C3orf20: variants seen among roughly 807,000 people sequenced by gnomAD.
The protein encoded by C3orf20 is family with sequence similarity 149 member C, also known as uncharacterized protein C3orf20.
C3orf20 carries 76 observed loss-of-function variants against 88.3 expected under a neutral mutation model. That is an observed-to-expected ratio of 0.86 (90% CI 0.72 to 1.04). The LOEUF is 1.04. C3orf20 is among the 50% of genes least tolerant of loss of function. C3orf20 has a pLI of 0.00. For missense variants in C3orf20, 1,056 were observed against 1,123.3 expected (o/e 0.94, Z 0.86); for synonymous variants, 436 against 437.4 (o/e 1.00, Z 0.04).
intron 5 of C3orf20, among the ~76,000 whole-genome samples, chr3:14,692,889 A>G (rs993806632): frequency 6.6e-6 from 1 of 152,150 alleles, no homozygotes; most frequent in Non-Finnish European, 1.5e-5. Flanking sequence ...TCTTCAATCC[A>G]TTTTGATTTT....
chr3:14,754,926 T>C (rs1037074410), intron 12 of C3orf20, among the ~76,000 whole-genome samples: 1 of 152,130 alleles, frequency 6.6e-6, no homozygotes, highest in East Asian at 1.9e-4. Context: ...TGTCTTGCTA[T>C]GTTGTCCAGC....
chr3:14,719,814 CTT>C (rs2034082604), intron 9 of C3orf20, among the ~76,000 whole-genome samples: 1 of 152,122 alleles, frequency 6.6e-6, no homozygotes, highest in Non-Finnish European at 1.5e-5. Context: ...AAACTTTTTA[CTT>C]TTACCTTACT....
intron 12 of C3orf20, among the ~76,000 whole-genome samples, chr3:14,749,100 A>G (rs894651057): frequency 6.6e-6 from 1 of 152,122 alleles, no homozygotes; most frequent in African/African-American, 2.4e-5. Context: ...CAATTCTGTC[A>G]GGTTTTGCTT....
intron 13 of C3orf20, 38 bp from the exon 14 acceptor site, chr3:14,759,853 C>A: frequency 6.5e-7 from 1 of 1,537,654 alleles, no homozygotes; most frequent in Non-Finnish European, 9.0e-7. Flanking sequence ...ATCTTATTGG[C>A]ATGGGGGTGA....
intron 10 of C3orf20, among the ~76,000 whole-genome samples, chr3:14,723,036 C>T (rs1249063980): frequency 6.6e-6 from 1 of 152,254 alleles, no homozygotes; most frequent in African/African-American, 2.4e-5. Context: ...AGCAGGGTGA[C>T]CACACTTCCC....
intron 13 of C3orf20, among the ~76,000 whole-genome samples, chr3:14,759,181 C>G (rs145483811): frequency 1.2e-4 from 19 of 152,120 alleles, no homozygotes; most frequent in Non-Finnish European, 2.5e-4. Context: ...TTGGTGAATG[C>G]AGAAATGTTC....
chr3:14,764,833 C>T (rs2035659345), intron 15 of C3orf20: 1 of 152,250 alleles, frequency 6.6e-6, no homozygotes, highest in African/African-American at 2.4e-5. Flanking sequence ...CCTCATAAGT[C>T]ATGCAGCATT....
At chr3:14,685,460 T>TTCTCTCTCTC (rs60024348) in intron 4 of C3orf20, among the ~76,000 whole-genome samples, 2 of 139,014 alleles carry the variant, frequency 1.4e-5, no homozygotes, top group Non-Finnish European at 3.1e-5. Flanking sequence ...CTCTCTCTGT[T>TTCTCTCTCTC]TCTCTCTCTC....
intron 15 of C3orf20, among the ~76,000 whole-genome samples, chr3:14,771,610 T>C (rs1433225012): frequency 6.6e-5 from 10 of 152,252 alleles, no homozygotes; most frequent in Admixed American, 6.5e-4. Flanking sequence ...TCCTCCAGTA[T>C]GGCCTCATCT....
chr3:14,688,529 C>CAAAAAAAAAAAAAAAA (rs35979290), intron 4 of C3orf20, among the ~76,000 whole-genome samples: 3 of 105,780 alleles, frequency 2.8e-5, no homozygotes, highest in Non-Finnish European at 5.4e-5. Context: ...GAGACTGTCT[C>CAAAAAAAAAAAAAAAA]AAAAAAAAAA....
intron 12 of C3orf20, among the ~76,000 whole-genome samples, chr3:14,734,560 A>G (rs1006719782): frequency 1.3e-5 from 2 of 152,198 alleles, no homozygotes; most frequent in African/African-American, 4.8e-5. Context: ...AAAAAACTGC[A>G]TAATTTCAAC....
At chr3:14,724,504 G>C in intron 10 of C3orf20, among the ~76,000 whole-genome samples, 1 of 152,184 alleles carries the variant, frequency 6.6e-6, no homozygotes, top group East Asian at 1.9e-4. Context: ...GAAGTCTAGA[G>C]CTGTGCTGTC....
intron 15 of C3orf20, among the ~76,000 whole-genome samples, chr3:14,766,307 A>G (rs1442307791): frequency 2.0e-5 from 3 of 152,208 alleles, no homozygotes; most frequent in African/African-American, 4.8e-5. Context: ...CACCAGCACA[A>G]TAGGGACCGG....
At chr3:14,712,991 C>G (rs1283444631) in intron 7 of C3orf20, among the ~76,000 whole-genome samples, 1 of 152,016 alleles carries the variant, frequency 6.6e-6, no homozygotes, top group Non-Finnish European at 1.5e-5. Flanking sequence ...CCTTCTTAAC[C>G]CCATGGTTTC....
intron 11 of C3orf20, 27 bp from the exon 12 acceptor site, chr3:14,728,412 A>C: frequency 6.2e-7 from 1 of 1,612,274 alleles, no homozygotes; most frequent in Non-Finnish European, 8.5e-7. Flanking sequence ...ATGAAGGGAA[A>C]ATGACAGCAG....
In C3orf20 at chr3:14,757,547, A is replaced by C. The variant is rs1474815138; in HGVS notation, c.2117A>C (p.Asp706Ala). The C allele has an allele frequency of 3.1e-6, 5 of 1,613,922 alleles. No individual in the cohort carries two copies. The African/African-American group carries it at 5.3e-5, about 17-fold the overall frequency. Reference protein sequence around the residue: ...ELERFLLAPRDPSQVLVFGII... With the variant: ...ELERFLLAPRAPSQVLVFGII... ...GAGCGCTTCCTGTTGGCGCCCCGAG[A>C]CCCCAGCCAAGTGCTGGTGTTTGGG... The change falls in exon 13 of 17, where the codon GAC (aspartate) becomes GCC (alanine). Residue 706 changes from aspartate to alanine, a missense_variant. Transcript: ENST00000253697.
intron 12 of C3orf20, among the ~76,000 whole-genome samples, chr3:14,751,682 CAAG>C (rs954034497): frequency 2.2e-4 from 34 of 152,140 alleles, no homozygotes; most frequent in African/African-American, 8.2e-4. Flanking sequence ...TCCTATACAC[CAAG>C]AACAGACAAA....
At chr3:14,705,508 C>G (rs1320012421) in intron 7 of C3orf20, among the ~76,000 whole-genome samples, 1 of 152,216 alleles carries the variant, frequency 6.6e-6, no homozygotes, top group Non-Finnish European at 1.5e-5. Flanking sequence ...GAGGGAGCAA[C>G]TGTAATTGCT....
intron 12 of C3orf20, among the ~76,000 whole-genome samples, chr3:14,753,168 A>G (rs2035267578): frequency 6.6e-6 from 1 of 152,218 alleles, no homozygotes; most frequent in African/African-American, 2.4e-5. Flanking sequence ...ATAAAAAAGG[A>G]TGAGTTCATG....
Sources: allele counts gnomAD v4.1 joint callset (sites outside exome capture counted in the v4.1 genomes callset), GRCh38; gene constraint gnomAD v4.1.1; transcripts MANE v1.5; gene names NCBI Gene and HGNC (gene_info 2026-07-23, HGNC 2026-07-21).